The following PTPRD variants were observed in gnomAD, a reference collection of about 807,000 sequenced individuals.
PTPRD encodes the protein receptor-type tyrosine-protein phosphatase delta.
In PTPRD, 34 loss-of-function variants were observed where a neutral mutation model predicts 214.5. The observed-to-expected ratio is 0.16, with a 90% CI of 0.12 to 0.21. The LOEUF (loss-of-function observed/expected upper bound fraction) is 0.21. Among genes scored for constraint, PTPRD ranks in the 10% least tolerant of loss-of-function variants. The pLI is 1.00. For synonymous variants in PTPRD, 1,128 were observed against 845.7 expected, an observed-to-expected ratio of 1.33 and a Z score of -5.79; for missense variants, 2,545 against 2,398.7, an observed-to-expected ratio of 1.06 and a Z score of -1.27.
In PTPRD at chr9:9,581,067, C is replaced by A. The variant is rs545816578; in HGVS notation, c.-286-6286G>T. Among the ~76,000 whole-genome samples, 3 of 151,830 alleles carry A rather than the reference C, an allele frequency of 2.0e-5. No individual in the cohort carries two copies. The South Asian group carries it at 6.2e-4, about 32-fold the overall frequency. On this transcript the variant is annotated intron_variant, in intron 7 of 45. Coordinates refer to ENST00000381196, the MANE Select transcript of PTPRD (RefSeq NM_002839.4). ...CATTTTAGTCAATTTAGAAAGAAACCCAAAATTGTATCTTCATAAAGCAGA... is the reference window on the plus strand; with the variant it reads ...CATTTTAGTCAATTTAGAAAGAAACACAAAATTGTATCTTCATAAAGCAGA...
At chr9:9,639,018 C>T (rs2095856595) in intron 7 of PTPRD, among the ~76,000 whole-genome samples, 1 of 152,222 alleles carries the variant, frequency 6.6e-6, no homozygotes, top group Non-Finnish European at 1.5e-5. Context: ...AAAGGCCCCA[C>T]CTCCCAATAC....
At chr9:8,493,071 C>T (rs1591920673) in intron 26 of PTPRD, 92 bp from the exon 27 acceptor site, 1 of 1,010,040 alleles carries the variant, frequency 9.9e-7, no homozygotes, top group East Asian at 2.4e-5. Context: ...TCTGCAAATG[C>T]TCGCACATCC....
intron 10 of PTPRD, among the ~76,000 whole-genome samples, chr9:9,105,325 ATTGTTGATT>A (rs111314383): frequency 0.11 from 17,030 of 151,828 alleles, 1,163 homozygotes; most frequent in East Asian, 0.22. Flanking sequence ...ATGATTATGC[ATTGTTGATT>A]TTGTTGATTC....
At chr9:9,687,620 TATA>T (rs1310249389) in intron 7 of PTPRD, among the ~76,000 whole-genome samples, 5 of 150,974 alleles carry the variant, frequency 3.3e-5, no homozygotes, top group Admixed American at 2.6e-4. Context: ...AAACTTAAAG[TATA>T]ATAATAAAAA....
chr9:8,901,432 G>A (rs1444924127), intron 11 of PTPRD, among the ~76,000 whole-genome samples: 1 of 152,192 alleles, frequency 6.6e-6, no homozygotes, highest in Non-Finnish European at 1.5e-5. Context: ...CATTTGTAGA[G>A]CACTGTTAAT....
At chr9:8,741,191 G>A (rs1171812120) in intron 11 of PTPRD, among the ~76,000 whole-genome samples, 1 of 151,182 alleles carries the variant, frequency 6.6e-6, no homozygotes, top group Non-Finnish European at 1.5e-5. Flanking sequence ...GGTATGCCGT[G>A]AGAAATGAAC....
intron 11 of PTPRD, among the ~76,000 whole-genome samples, chr9:8,820,366 G>T (rs913468747): frequency 6.6e-6 from 1 of 151,980 alleles, no homozygotes; most frequent in Middle Eastern, 3.2e-3. Context: ...TTTAATATGA[G>T]GAAGAGAGTC....
intron 11 of PTPRD, among the ~76,000 whole-genome samples, chr9:8,842,559 G>C (rs773339824): frequency 6.6e-6 from 1 of 152,054 alleles, no homozygotes; most frequent in Non-Finnish European, 1.5e-5. Flanking sequence ...CTCACCTAGT[G>C]GTAGGGAGAC....
chr9:8,822,894 A>G (rs1037876542), intron 11 of PTPRD, among the ~76,000 whole-genome samples: 5 of 152,100 alleles, frequency 3.3e-5, no homozygotes, highest in African/African-American at 9.7e-5. Context: ...GAAAGGATTA[A>G]CAGATTTCCA....
chr9:8,672,589 A>G (rs1596548127), intron 12 of PTPRD, among the ~76,000 whole-genome samples: 1 of 152,228 alleles, frequency 6.6e-6, no homozygotes, highest in South Asian at 2.1e-4. Flanking sequence ...TAAAAATATT[A>G]AAAAGGGTGT....
chr9:9,572,397 G>A lies in PTPRD; in HGVS notation c.-237+2335C>T, dbSNP rs573845369. 4.8e-4 allele frequency among the ~76,000 whole-genome samples: 72 copies of A among 151,178 alleles called. 1 individual carries two copies. Among genetic ancestry groups the A allele is most frequent in the Admixed American group, 1.6e-3 (24 of 15,134 alleles). Reference sequence around the variant, plus strand: ...TTGAATCAGGATTATTACTTCATGAGGAAAAACACATGCAATTCAAAAACC... The same window carrying A: ...TTGAATCAGGATTATTACTTCATGAAGAAAAACACATGCAATTCAAAAACC... On this transcript the variant is annotated intron_variant, in intron 8 of 45. Coordinates refer to ENST00000381196, the MANE Select transcript of PTPRD (RefSeq NM_002839.4).
At chr9:8,744,872 G>C (rs1364480981) in intron 11 of PTPRD, among the ~76,000 whole-genome samples, 2 of 152,178 alleles carry the variant, frequency 1.3e-5, no homozygotes, top group Non-Finnish European at 2.9e-5. Flanking sequence ...ATCTCTCTAA[G>C]ATACTATTAA....
At chr9:8,710,351 T>C (rs1010691281) in intron 12 of PTPRD, among the ~76,000 whole-genome samples, 1 of 152,180 alleles carries the variant, frequency 6.6e-6, no homozygotes, top group Admixed American at 6.5e-5. Context: ...GCAGGGTGGC[T>C]TATGCCTGTA....
chr9:10,375,746 A>T (rs1271863797), intron 2 of PTPRD, among the ~76,000 whole-genome samples: 1 of 152,016 alleles, frequency 6.6e-6, no homozygotes, highest in South Asian at 2.1e-4. Context: ...GTGATAGAAT[A>T]TCTGGAAAAC....
At chr9:10,582,263 T>C (rs1048062706) in intron 2 of PTPRD, among the ~76,000 whole-genome samples, 4 of 152,152 alleles carry the variant, frequency 2.6e-5, no homozygotes, top group African/African-American at 9.7e-5. Context: ...TAAAGATTGA[T>C]TTCTATACCG....
At chr9:8,457,532 T>C (rs1192551770) in intron 33 of PTPRD, among the ~76,000 whole-genome samples, 1 of 152,164 alleles carries the variant, frequency 6.6e-6, no homozygotes, top group East Asian at 1.9e-4. Flanking sequence ...ATGAACAGAA[T>C]GCCAGATCAA....
intron 14 of PTPRD, among the ~76,000 whole-genome samples, chr9:8,580,453 A>C (rs542179671): frequency 2.0e-5 from 3 of 152,352 alleles, no homozygotes; most frequent in East Asian, 3.9e-4. Context: ...TTTGGTTTTA[A>C]ATATATGCTA....
At chr9:9,025,192 C>A (rs1322565339) in intron 10 of PTPRD, among the ~76,000 whole-genome samples, 1 of 151,714 alleles carries the variant, frequency 6.6e-6, no homozygotes, top group East Asian at 1.9e-4. Context: ...CCTTTATTAC[C>A]CTGAAAGAGC....
At chr9:8,931,075 T>C (rs905506433) in intron 11 of PTPRD, among the ~76,000 whole-genome samples, 2 of 152,194 alleles carry the variant, frequency 1.3e-5, no homozygotes, top group East Asian at 1.9e-4. Context: ...GGTTTTCTTC[T>C]ACGGTTTTTA....
Sources: gnomAD v4.1 joint callset for allele counts (sites outside exome capture counted in the v4.1 genomes callset) on GRCh38, gnomAD v4.1.1 for gene constraint, MANE v1.5 for transcripts, NCBI Gene and HGNC (gene_info 2026-07-23, HGNC 2026-07-21) for gene names.